Variants in C1orf141 observed in about 807,000 individuals in gnomAD.
C1orf141 encodes uncharacterized protein C1orf141.
C1orf141 carries 19 observed loss-of-function variants against 23.2 expected under a neutral mutation model. The ratio of observed to expected loss-of-function variants is 0.82; its 90% CI spans 0.57 to 1.20. The LOEUF (loss-of-function observed/expected upper bound fraction) is 1.20. C1orf141 is among the 50% of genes most tolerant of loss of function. The probability of loss-of-function intolerance (pLI) is 0.00; values close to 1 mark genes in which losing one functional copy is unlikely to be tolerated. For synonymous variants in C1orf141, 153 were observed against 154.6 expected, an observed-to-expected ratio of 0.99 and a Z score of 0.08; for missense variants, 469 against 455.1, an observed-to-expected ratio of 1.03 and a Z score of -0.28.
At chr1:67,102,321 TG>T (rs1645821185) in intron 5 of C1orf141, among the ~76,000 whole-genome samples, 1 of 150,890 alleles carries the variant, frequency 6.6e-6, no homozygotes, top group Admixed American at 6.6e-5. Flanking sequence ...TGTGTGTGTG[TG>T]TGTGTGTGTG....
rs768628496 is a variant in C1orf141, at chr1:67,093,533, A to G, written c.675T>C (p.Asn225=). Residue 225 remains asparagine, a synonymous_variant, in exon 8 of 8, where the codon AAT becomes AAC. Coordinates refer to ENST00000684719, the MANE Select transcript of C1orf141 (RefSeq NM_001276351.2). ...TTTCCAAAGGATGAGAAGAAAATCT[A>G]TTTTTTGTCAAAAGTAACATTCGTA... ...EYVRMLLLTK[N]RFSSHPLENE... The G allele has an allele frequency of 6.2e-6, 10 of 1,605,170 alleles. No individual in the cohort carries two copies. The Admixed American group carries it at 6.7e-5, about 11-fold the overall frequency.
chr1:67,115,367 C>G lies in C1orf141; in HGVS notation c.331G>C (p.Glu111Gln). 8.1e-7 allele frequency: 1 copy of G among 1,239,154 alleles called. No individual in the cohort carries two copies. Among genetic ancestry groups the G allele is most frequent in the Non-Finnish European group, 1.2e-6 (1 of 857,698 alleles). The allele number at this position is 1,239,154 out of a possible 1,614,324, so 76.8% of individuals were successfully genotyped here. A position where few individuals can be genotyped will look rare whatever the true frequency, so the allele number is the denominator to read the frequency against. Residue 111 changes from glutamate (E) to glutamine (Q), a missense_variant, in exon 5 of 8, where the codon GAA becomes CAA. Transcript: ENST00000684719. ...FFIQTNVKNKESESTAQIEKK... is the reference protein window; with the variant it reads ...FFIQTNVKNKQSESTAQIEKK... ...AAAGCATTACCTGTTGACTCACTTT[C>G]TTTATTTTTTACATTTGTTTGAATA...
At chr1:67,124,079 G>A (rs1040550324) in intron 4 of C1orf141, 1 of 152,152 alleles carries the variant, frequency 6.6e-6, no homozygotes, top group Non-Finnish European at 1.5e-5. Context: ...CTTTCAATTT[G>A]TTAGCTGTAT....
chr1:67,128,381 A>C (rs200034463), intron 2 of C1orf141, among the ~76,000 whole-genome samples: 3 of 125,272 alleles, frequency 2.4e-5, no homozygotes, highest in African/African-American at 8.4e-5. Flanking sequence ...TTATTTATTT[A>C]TTTATTTATT....
chr1:67,121,425 A>G (rs545244786), intron 4 of C1orf141, among the ~76,000 whole-genome samples: 3 of 152,138 alleles, frequency 2.0e-5, no homozygotes, highest in African/African-American at 4.8e-5. Context: ...GTGTTTGCCA[A>G]TTGCTGTGGT....
At chr1:67,126,553 G>A (rs1259406807) in intron 3 of C1orf141, among the ~76,000 whole-genome samples, 1 of 152,200 alleles carries the variant, frequency 6.6e-6, no homozygotes, top group East Asian at 1.9e-4. Flanking sequence ...GGAGCACTAT[G>A]GGAATTAGTC....
intron 5 of C1orf141, among the ~76,000 whole-genome samples, chr1:67,112,818 C>T (rs183793153): frequency 2.0e-4 from 30 of 152,242 alleles, no homozygotes; most frequent in Admixed American, 4.6e-4. Flanking sequence ...TTGTTGATAG[C>T]GTAGTCAGAG....
chr1:67,103,245 TA>T, intron 5 of C1orf141: 1 of 1,419,238 alleles, frequency 7.0e-7, no homozygotes, highest in Non-Finnish European at 9.4e-7. Flanking sequence ...TACCTGTAAA[TA>T]AAGTAGAGTC....
chr1:67,097,910 G>T (rs187775498), intron 5 of C1orf141, among the ~76,000 whole-genome samples: 13 of 152,228 alleles, frequency 8.5e-5, no homozygotes, highest in African/African-American at 3.1e-4. Flanking sequence ...GAGAAAAACA[G>T]GCCCACTGAC....
At chr1:67,102,061 A>C (rs1005896043) in intron 5 of C1orf141, among the ~76,000 whole-genome samples, 4 of 152,146 alleles carry the variant, frequency 2.6e-5, no homozygotes, top group Admixed American at 6.6e-5. Context: ...GGCTCAATAG[A>C]GTAAATCCTG....
chr1:67,107,083 T>A (rs903552449), intron 5 of C1orf141, among the ~76,000 whole-genome samples: 2 of 152,206 alleles, frequency 1.3e-5, no homozygotes, highest in Admixed American at 6.5e-5. Context: ...GAAACTATAG[T>A]GCAAAGGTTT....
At chr1:67,125,479 C>G (rs1246687544) in intron 4 of C1orf141, among the ~76,000 whole-genome samples, 1 of 152,086 alleles carries the variant, frequency 6.6e-6, no homozygotes, top group Middle Eastern at 3.2e-3. Context: ...GGGTGGATCT[C>G]TTGAGGCCAG....
chr1:67,110,827 A>G (rs1401344879), intron 5 of C1orf141, among the ~76,000 whole-genome samples: 2 of 150,828 alleles, frequency 1.3e-5, no homozygotes, highest in Admixed American at 6.6e-5. Flanking sequence ...AATCCTTTTA[A>G]TATTTTTTAA....
upstream of C1orf141, among the ~76,000 whole-genome samples, chr1:67,138,069 A>G (rs975060291): frequency 6.6e-6 from 1 of 152,176 alleles, no homozygotes; most frequent in Admixed American, 6.5e-5. Context: ...CTCCCCATAC[A>G]TATTTACTAA....
chr1:67,096,017 TA>T (rs890107039), intron 6 of C1orf141: 3,115 of 276,140 alleles, frequency 0.011, 1 homozygote, highest in Middle Eastern at 0.019. Flanking sequence ...GTGTATTTAC[TA>T]AAAAAAAAAA....
chr1:67,118,865 G>A (rs190080087), intron 4 of C1orf141, among the ~76,000 whole-genome samples: 192 of 152,280 alleles, frequency 1.3e-3, no homozygotes, highest in Non-Finnish European at 1.8e-3. Flanking sequence ...CACCCAATCT[G>A]CTGGAACTTT....
chr1:67,130,774 G>T (rs1288472777), intron 2 of C1orf141, among the ~76,000 whole-genome samples: 1 of 152,172 alleles, frequency 6.6e-6, no homozygotes, highest in African/African-American at 2.4e-5. Context: ...GCCGGTTAAT[G>T]AAATTGACTG....
intron 5 of C1orf141, among the ~76,000 whole-genome samples, chr1:67,101,361 A>G (rs933565990): frequency 2.0e-5 from 3 of 152,060 alleles, no homozygotes; most frequent in Non-Finnish European, 4.4e-5. Context: ...GACTTACAAT[A>G]AGGAAAGGAA....
intron 5 of C1orf141, among the ~76,000 whole-genome samples, chr1:67,102,028 C>T (rs1464392209): frequency 3.3e-5 from 5 of 152,122 alleles, no homozygotes; most frequent in African/African-American, 1.2e-4. Flanking sequence ...CCGCGTCCTT[C>T]AAAGAAGGCT....
Sources: gnomAD v4.1 joint callset for allele counts (sites outside exome capture counted in the v4.1 genomes callset) on GRCh38, gnomAD v4.1.1 for gene constraint, MANE v1.5 for transcripts, NCBI Gene and HGNC (gene_info 2026-07-23, HGNC 2026-07-21) for gene names.